NT5C3B: variants seen among roughly 807,000 people sequenced by gnomAD.
The protein encoded by NT5C3B is 5'-nucleotidase, cytosolic IIIB, also known as 7-methylguanosine phosphate-specific 5'-nucleotidase.
Under a neutral mutation model 32.5 loss-of-function variants are expected in NT5C3B, and 28 were observed. That is an observed-to-expected ratio of 0.86 (90% CI 0.64 to 1.18). The LOEUF (loss-of-function observed/expected upper bound fraction) is 1.18, where lower values mean the gene tolerates loss of function less well. Ranked by LOEUF, NT5C3B falls within the 50% of genes most tolerant of loss-of-function variation. The probability of loss-of-function intolerance (pLI) is 0.00; values close to 1 mark genes in which losing one functional copy is unlikely to be tolerated. For missense variants in NT5C3B, 317 were observed against 322.0 expected, an observed-to-expected ratio of 0.98 and a Z score of 0.12; for synonymous variants, 138 against 118.0, an observed-to-expected ratio of 1.17 and a Z score of -1.10.
chr17:41,831,251 G>A (rs561674262), intron 5 of NT5C3B, among the ~76,000 whole-genome samples: 1 of 151,644 alleles, frequency 6.6e-6, no homozygotes, highest in South Asian at 2.1e-4. Context: ...CCCAGGAGGG[G>A]GAGGTTGCAG....
rs2047944573 is a variant in NT5C3B, at chr17:41,825,469, T to G, written c.*54A>C. 3.6e-6 allele frequency: 3 copies of G among 837,808 alleles called. No homozygotes were observed. The African/African-American group carries it at 4.9e-5, about 14-fold the overall frequency. 51.9% of individuals were successfully genotyped at this position (837,808 alleles called of 1,614,324 possible). A position where few individuals can be genotyped will look rare whatever the true frequency, so the allele number is the denominator to read the frequency against. On this transcript the variant is annotated 3_prime_UTR_variant, in exon 9 of 9. Coordinates refer to ENST00000435506, the MANE Select transcript of NT5C3B (RefSeq NM_052935.5). ...TCTGTGTTCACGGGGGAGCAGACTC[T>G]GGGGAGGCGCCCCTCCTCACCACGG... is the stretch of plus-strand genomic sequence containing the variant.
At chr17:41,829,023 T>C in intron 6 of NT5C3B, 71 bp from the exon 7 acceptor site, 2 of 1,389,120 alleles carry the variant, frequency 1.4e-6, no homozygotes, top group Non-Finnish European at 2.0e-6. Flanking sequence ...ATTTGGGTTG[T>C]TTTTTGGGTT....
At chr17:41,833,895 G>A (rs560161157) in intron 4 of NT5C3B, among the ~76,000 whole-genome samples, 9 of 152,124 alleles carry the variant, frequency 5.9e-5, no homozygotes, top group Non-Finnish European at 7.4e-5. Context: ...GAGCCAGTCC[G>A]TAACAGTGCC....
chr17:41,828,150 A>C (rs1317531846), intron 7 of NT5C3B, among the ~76,000 whole-genome samples: 1 of 152,146 alleles, frequency 6.6e-6, no homozygotes, highest in East Asian at 1.9e-4. Context: ...CAGAACGTGG[A>C]TGAGTTGGAG....
chr17:41,835,716 C>G (rs1232740590), intron 2 of NT5C3B, 143 bp downstream of exon 2: 1 of 883,968 alleles, frequency 1.1e-6, no homozygotes, highest in African/African-American at 1.7e-5. Flanking sequence ...GCGAACCAAC[C>G]CGCTCTCCTT....
At chr17:41,825,770 C>A in intron 8 of NT5C3B, 113 bp from the exon 9 acceptor site, 1 of 803,020 alleles carries the variant, frequency 1.2e-6, no homozygotes, top group Admixed American at 1.9e-5. Context: ...CAACTCCCAG[C>A]TCCCTTTTGA....
At chr17:41,828,461 G>A (rs1319864183) in intron 7 of NT5C3B, 4 of 187,722 alleles carry the variant, frequency 2.1e-5, no homozygotes, top group African/African-American at 2.3e-5. Flanking sequence ...CCTCAGCCTC[G>A]AAGGAGCTGG....
intron 8 of NT5C3B, among the ~76,000 whole-genome samples, chr17:41,825,871 C>T (rs1428439491): frequency 6.6e-6 from 1 of 152,150 alleles, no homozygotes; most frequent in Non-Finnish European, 1.5e-5. Context: ...TGGGTCAATA[C>T]AAAAGAACAG....
rs28422820 is a variant in NT5C3B, at chr17:41,825,507, G to A, written c.*16C>T. 3,892 of 870,246 alleles carry A rather than the reference G, an allele frequency of 4.5e-3. 92 individuals are homozygous for A. The African/African-American group carries it at 0.056, about 13-fold the overall frequency. 53.9% of individuals were successfully genotyped at this position (870,246 alleles called of 1,614,324 possible). The stretch of plus-strand genomic sequence containing the variant: ...CTCCTCACCACGGCCTGCAGGCCGG[G>A]CTGGAGCCTGCGCCTTCAGGGGCCT... On this transcript the variant is annotated 3_prime_UTR_variant, in exon 9 of 9. Transcript: ENST00000435506.
Position 41,834,672 on chromosome 17 carries a change from C to T in NT5C3B, c.228+398G>A, listed in dbSNP as rs188664626. Among the ~76,000 whole-genome samples, 311 of 151,802 alleles carry T rather than the reference C, an allele frequency of 2.0e-3. 3 individuals carry two copies. Among genetic ancestry groups the T allele is most frequent in the African/African-American group, 7.2e-3 (297 of 41,382 alleles). ...GCTGAGGCAGGAGGATCACTTGAGC[C>T]TAGGAGGTCAAGGCTGCAGTGAACA... On this transcript the variant is annotated intron_variant, in intron 4 of 8. Transcript: ENST00000435506.
rs947080947 is a variant in NT5C3B at position 41,825,479 on chromosome 17, C to T, written c.*44G>A. ...CGGGGGAGCAGACTCTGGGGAGGCGCCCCTCCTCACCACGGCCTGCAGGCC... is the reference window on the plus strand; with the variant it reads ...CGGGGGAGCAGACTCTGGGGAGGCGTCCCTCCTCACCACGGCCTGCAGGCC... On this transcript the variant is annotated 3_prime_UTR_variant, in exon 9 of 9. Coordinates refer to ENST00000435506, the MANE Select transcript of NT5C3B (RefSeq NM_052935.5). The T allele has an allele frequency of 8.2e-6, 7 of 851,054 alleles. No individual in the cohort carries two copies. Among genetic ancestry groups the T allele is most frequent in the South Asian group, 1.3e-5 (1 of 74,796 alleles). The allele number at this position is 851,054 out of a possible 1,614,324, so 52.7% of individuals were successfully genotyped here.
In NT5C3B at chr17:41,830,902, C is replaced by T; in HGVS notation, c.315-12G>A. ...GTGCTTTGGTCCACCTAGAAACAGA[C>T]ACCCCAGAAAACCCCAAATTCAAAT... On this transcript the variant is annotated splice_polypyrimidine_tract_variant and intron_variant, in intron 5 of 8. Transcript: ENST00000435506. 1 of 1,561,144 alleles carries T rather than the reference C, an allele frequency of 6.4e-7. No individual in the cohort carries two copies. The highest frequency in any genetic ancestry group is 8.8e-7 in the Non-Finnish European group (1 of 1,134,866).
chr17:41,834,838 T>G (rs531521628), intron 4 of NT5C3B, among the ~76,000 whole-genome samples: 19 of 152,336 alleles, frequency 1.2e-4, no homozygotes, highest in African/African-American at 4.6e-4. Context: ...TCTTGTAAAC[T>G]CTATAGCCAA....
At position 41,835,897 on chromosome 17, in the gene NT5C3B, C is replaced by T. The variant is rs1555619875; in HGVS notation, c.73G>A (p.Val25Met). ...MRQPGRVQEI[V>M]GALRKGGGDR... Reference sequence around the variant, plus strand: ...CCGCCGCCCTTGCGGAGGGCGCCCACGATCTCCTGCACCCGCCCAGGCTGC... The same window carrying T: ...CCGCCGCCCTTGCGGAGGGCGCCCATGATCTCCTGCACCCGCCCAGGCTGC... Residue 25 changes from valine to methionine, a missense_variant, in exon 2 of 9, where the codon GTG (valine) becomes ATG (methionine). By Grantham distance (21) the Val-to-Met change is conservative. Transcript: ENST00000435506. The T allele has an allele frequency of 6.2e-6, 10 of 1,609,080 alleles. No individual in the cohort carries two copies. The highest frequency in any genetic ancestry group is 1.1e-5 in the South Asian group (1 of 90,434).
chr17:41,836,159 C>A (rs536033828), intron 1 of NT5C3B, 23 bp downstream of exon 1: 2 of 1,301,396 alleles, frequency 1.5e-6, no homozygotes, highest in African/African-American at 3.1e-5. Context: ...CCGCCCCACT[C>A]CGGACGCTTC....
At chr17:41,835,146 T>A (rs112194483) in intron 3 of NT5C3B, 30 bp from the exon 4 acceptor site, 25 of 1,613,884 alleles carry the variant, frequency 1.5e-5, no homozygotes, top group African/African-American at 1.5e-4. Flanking sequence ...CTTTTACTTG[T>A]CCCTTAGAAC....
intron 7 of NT5C3B, 25 bp downstream of exon 7, chr17:41,828,765 C>T: frequency 6.2e-7 from 1 of 1,603,512 alleles, no homozygotes; most frequent in Non-Finnish European, 8.5e-7. Flanking sequence ...TCGTCCTTTC[C>T]CAGCCCAAAC....
rs782061869 is a variant in NT5C3B, at chr17:41,828,663, G to C, written c.567+127C>G. The C allele has an allele frequency of 7.4e-5, 65 of 878,774 alleles. 1 individual carries two copies. In the Middle Eastern group the frequency reaches 4.2e-3, roughly 57 times the overall value. 54.4% of individuals were successfully genotyped at this position (878,774 alleles called of 1,614,324 possible). On this transcript the variant is annotated intron_variant, in intron 7 of 8. Transcript: ENST00000435506. ...AAAAGTAACCCATAAACAACTGCCT[G>C]AGGGTGAAGAAGCTAGAGTGGCTTC...
intron 8 of NT5C3B, 66 bp from the exon 9 acceptor site, chr17:41,825,723 A>C: frequency 2.3e-6 from 2 of 862,142 alleles, no homozygotes; most frequent in Non-Finnish European, 4.0e-6. Flanking sequence ...GCTCACTCTC[A>C]AAGCCCCTGG....
Sources: allele counts gnomAD v4.1 joint callset (sites outside exome capture counted in the v4.1 genomes callset), GRCh38; gene constraint gnomAD v4.1.1; transcripts MANE v1.5; gene names NCBI Gene and HGNC (gene_info 2026-07-23, HGNC 2026-07-21).